TRIM16: variants seen among roughly 807,000 people sequenced by gnomAD.
TRIM16 encodes the protein tripartite motif containing 16, also known as tripartite motif-containing protein 16.
Under a neutral mutation model 50.4 loss-of-function variants are expected in TRIM16, and 33 were observed. That is an observed-to-expected ratio of 0.65 (90% CI 0.50 to 0.88). TRIM16 has a LOEUF of 0.88. TRIM16 is among the 40% of genes least tolerant of loss of function. The pLI, the probability that TRIM16 is intolerant of heterozygous loss-of-function variation, is 0.00. For synonymous variants in TRIM16, 229 were observed against 270.7 expected (o/e 0.85, Z 1.51); for missense variants, 581 against 686.8 (o/e 0.85, Z 1.72).
intron 8 of TRIM16, among the ~76,000 whole-genome samples, chr17:15,642,100 T>C (rs1987142647): frequency 1.3e-5 from 2 of 148,878 alleles, no homozygotes; most frequent in Admixed American, 1.3e-4. Flanking sequence ...CACTTCAGCC[T>C]CTCAAAGTGT....
At chr17:15,671,500 T>C (rs1286581626) in intron 6 of TRIM16, among the ~76,000 whole-genome samples, 2 of 151,568 alleles carry the variant, frequency 1.3e-5, no homozygotes, top group African/African-American at 4.9e-5. Flanking sequence ...GTATTTTGCA[T>C]AGATGACTCT....
At chr17:15,653,349 C>A (rs1397230304) in intron 6 of TRIM16, among the ~76,000 whole-genome samples, 1 of 152,176 alleles carries the variant, frequency 6.6e-6, no homozygotes, top group African/African-American at 2.4e-5. Flanking sequence ...TACCCCCACC[C>A]CCTCAGGTAT....
intron 6 of TRIM16, among the ~76,000 whole-genome samples, chr17:15,657,778 A>C (rs945879908): frequency 6.6e-6 from 1 of 152,212 alleles, no homozygotes; most frequent in Non-Finnish European, 1.5e-5. Flanking sequence ...TTAAGAATTG[A>C]GAATCCTACT....
Position 15,628,450 on chromosome 17 carries a change from C to T in TRIM16, c.*165G>A. 1 of 632,436 alleles carries T rather than the reference C, an allele frequency of 1.6e-6. No homozygotes were observed. The highest frequency in any genetic ancestry group is 2.7e-6 in the Non-Finnish European group (1 of 370,122). 39.2% of individuals were successfully genotyped at this position (632,436 alleles called of 1,614,324 possible). A position where few individuals can be genotyped will look rare whatever the true frequency, so the allele number is the denominator to read the frequency against. The stretch of plus-strand genomic sequence containing the variant: ...ATTACTGCAAACACATAGAGAACAG[C>T]ACCATATGGAGCAAAAGAGAGCAGC... On this transcript the variant is annotated 3_prime_UTR_variant, in exon 12 of 12. Coordinates refer to ENST00000649191, the MANE Select transcript of TRIM16 (RefSeq NM_001348119.1).
intron 9 of TRIM16, among the ~76,000 whole-genome samples, chr17:15,634,704 C>T (rs2323791): frequency 1.4e-4 from 20 of 146,396 alleles, no homozygotes; most frequent in Middle Eastern, 3.6e-3. Flanking sequence ...CCCAGCTACT[C>T]GGGAGGCTGA....
At chr17:15,681,470 C>T (rs146934044) in intron 3 of TRIM16, among the ~76,000 whole-genome samples, 7 of 152,382 alleles carry the variant, frequency 4.6e-5, no homozygotes, top group South Asian at 2.1e-4. Context: ...ACACCACACA[C>T]GCTCCACTAA....
intron 4 of TRIM16, 119 bp from the exon 5 acceptor site, chr17:15,677,840 C>A (rs1989012362): frequency 1.2e-6 from 1 of 810,952 alleles, no homozygotes; most frequent in Non-Finnish European, 1.5e-6. Flanking sequence ...ATTAAAGAAT[C>A]TTAAAATCTT....
intron 8 of TRIM16, among the ~76,000 whole-genome samples, chr17:15,639,045 CTTTTTTTT>C (rs529832460): frequency 1.5e-4 from 15 of 100,898 alleles, no homozygotes; most frequent in African/African-American, 6.7e-4. Context: ...TTCTCTCTCT[CTTTTTTTT>C]TTTTTTTTTT....
At chr17:15,638,423 T>A (rs1400239385) in intron 8 of TRIM16, among the ~76,000 whole-genome samples, 1 of 147,914 alleles carries the variant, frequency 6.8e-6, no homozygotes, top group Non-Finnish European at 1.5e-5. Flanking sequence ...ATACAAAAAT[T>A]AGCCGGGTGT....
rs371018889 is a variant in TRIM16, at chr17:15,647,787, A to G, written c.519+3304T>C. Among the ~76,000 whole-genome samples the G allele has an allele frequency of 5.3e-5, 8 of 151,006 alleles. No individual in the cohort carries two copies. In the South Asian group the frequency reaches 1.7e-3, roughly 32 times the overall value. ...CTTCATGGGTCAGAACAAACAGGAA[A>G]GGCAGTCATAGAAGGAGTCCAGATT... On this transcript the variant is annotated intron_variant, in intron 7 of 11. Coordinates refer to ENST00000649191, the MANE Select transcript of TRIM16 (RefSeq NM_001348119.1).
rs145223236 is a variant in TRIM16, at chr17:15,628,938, T to C, written c.1372A>G (p.Ser458Gly). ...GAGAAGTTGTTTCCGGAAATGCAACTGTTGCGCTCCTCCCCTTTCCGGTCG... is the reference window on the plus strand; with the variant it reads ...GAGAAGTTGTTTCCGGAAATGCAACCGTTGCGCTCCTCCCCTTTCCGGTCG... ...GIDRKGEERN[S>G]CISGNNFSWS... Residue 458 changes from serine (S) to glycine (G), a missense_variant, in exon 12 of 12, where the codon AGT becomes GGT. Physicochemically the swap from Ser to Gly is moderately conservative, Grantham distance 56. Transcript: ENST00000649191. 4.3e-6 allele frequency: 7 copies of C among 1,614,218 alleles called. No homozygotes were observed. Among genetic ancestry groups the C allele is most frequent in the Non-Finnish European group, 5.9e-6 (7 of 1,180,038 alleles).
chr17:15,628,615 C>T lies in TRIM16; in HGVS notation c.1695G>A (p.Ter565=), dbSNP rs760945586. Residue 565 remains the stop codon, a stop_retained_variant, in exon 12 of 12, where the codon TAG becomes TAA. Transcript: ENST00000649191. ...PAPSLVGTAP[*] is the part of the protein sequence containing the mutation. ...AGGTCTGGGATATGGCTCCTGGAGT[C>T]TAGGGAGCAGTCCCCACCAAGGACG... 1.2e-6 allele frequency: 2 copies of T among 1,600,174 alleles called. No individual in the cohort carries two copies. Among genetic ancestry groups the T allele is most frequent in the Non-Finnish European group, 1.7e-6 (2 of 1,171,880 alleles).
rs2150892576 is a variant in TRIM16 at position 15,628,035 on chromosome 17, C to G, written c.*580G>C. On this transcript the variant is annotated 3_prime_UTR_variant, in exon 12 of 12. Coordinates refer to ENST00000649191, the MANE Select transcript of TRIM16 (RefSeq NM_001348119.1). ...GCCACTCTTTAAGGTTCCTGGTCAT[C>G]CATTCTGGGCACAGTGTGACATTTA... The G allele has an allele frequency of 1.3e-5, 2 of 152,362 alleles. No homozygotes were observed. Among genetic ancestry groups the G allele is most frequent in the African/African-American group, 2.4e-5 (1 of 41,550 alleles). 9.4% of individuals were successfully genotyped at this position (152,362 alleles called of 1,614,324 possible). A position where few individuals can be genotyped will look rare whatever the true frequency, so the allele number is the denominator to read the frequency against.
chr17:15,683,080 T>A lies in TRIM16; in HGVS notation c.-821A>T. 6.4e-7 allele frequency: 1 copy of A among 1,550,638 alleles called. No individual in the cohort carries two copies. The highest frequency in any genetic ancestry group is 8.7e-7 in the Non-Finnish European group (1 of 1,147,000). On this transcript the variant is annotated 5_prime_UTR_variant, in exon 2 of 12. It adds an upstream start codon to the 5' untranslated region. Transcript: ENST00000649191. Reference sequence around the variant, plus strand: ...GGTCCAATCCTCCATAATCATAGCCTTTGCTTCACTATTTGGGTGTAGCAA... The same window carrying A: ...GGTCCAATCCTCCATAATCATAGCCATTGCTTCACTATTTGGGTGTAGCAA...
At position 15,632,532 on chromosome 17, in the gene TRIM16, T is replaced by C. The variant is rs1293850087; in HGVS notation, c.992A>G (p.Lys331Arg). 1 of 1,612,876 alleles carries C rather than the reference T, an allele frequency of 6.2e-7. No homozygotes were observed. The highest frequency in any genetic ancestry group is 8.5e-7 in the Non-Finnish European group (1 of 1,179,406). Residue 331 changes from lysine (K) to arginine (R), a missense_variant, in exon 10 of 12, where the codon AAG becomes AGG. This residue lies in a region of TRIM16 where 450 missense variants were observed against 544.3 expected (regional missense o/e 0.83). Transcript: ENST00000649191. ...ACCTTCCTTGGAAAACTCCTGGAGC[T>C]TTTTCTTATAGTTCTCCAGCAACTG... is the stretch of plus-strand genomic sequence containing the variant. ...LIQLLENYKK[K>R]LQEFSKEEEY...
intron 7 of TRIM16, among the ~76,000 whole-genome samples, chr17:15,649,355 C>T (rs1229986679): frequency 6.6e-6 from 1 of 152,032 alleles, no homozygotes; most frequent in Non-Finnish European, 1.5e-5. Flanking sequence ...GGCACGATCT[C>T]GGCTCACTGC....
chr17:15,651,180 G>C lies in TRIM16; in HGVS notation c.430C>G (p.Pro144Ala). 1.2e-6 allele frequency: 2 copies of C among 1,614,222 alleles called. No individual in the cohort carries two copies. Among genetic ancestry groups the C allele is most frequent in the Non-Finnish European group, 1.7e-6 (2 of 1,180,044 alleles). ...TCCTGGCAGATGCACTGCTGATCAG[G>C]GCAGCAGAAGGCAGACAGTGGGCTG... ...HHSPLSAFCC[P>A]DQQCICQDCC... Residue 144 changes from proline to alanine, a missense_variant, in exon 7 of 12, where the codon CCT (proline) becomes GCT (alanine). Pro to Ala is a conservative substitution (Grantham distance 27). Transcript: ENST00000649191.
chr17:15,677,070 A>G, intron 6 of TRIM16, 106 bp downstream of exon 6: 1 of 554,604 alleles, frequency 1.8e-6, no homozygotes, highest in Non-Finnish European at 2.3e-6. Flanking sequence ...TGGTCAAGTG[A>G]AGATGAGACT....
intron 8 of TRIM16, 55 bp from the exon 9 acceptor site, chr17:15,636,324 C>A (rs1423171596): frequency 6.3e-7 from 1 of 1,576,956 alleles, no homozygotes; most frequent in Non-Finnish European, 8.7e-7. Flanking sequence ...AGGCATCCAA[C>A]TTGATAGAAA....
Sources: gnomAD v4.1 joint callset for allele counts (sites outside exome capture counted in the v4.1 genomes callset) on GRCh38, gnomAD v4.1.1 for gene constraint, gnomAD v4.1.1 regional missense constraint, MANE v1.5 for transcripts, NCBI Gene and HGNC (gene_info 2026-07-23, HGNC 2026-07-21) for gene names.